IFITM10: variants seen among roughly 807,000 people sequenced by gnomAD.
IFITM10 encodes interferon induced transmembrane protein 10.
A neutral mutation model predicts 19.0 loss-of-function variants in IFITM10; 17 were observed. The observed-to-expected ratio is 0.90, with a 90% CI of 0.61 to 1.34. The LOEUF (loss-of-function observed/expected upper bound fraction) is 1.34. Among genes scored for constraint, IFITM10 ranks in the 40% most tolerant of loss-of-function variants. IFITM10 has a pLI of 0.00. For synonymous variants in IFITM10, 148 were observed against 147.2 expected (o/e 1.01, Z -0.04); for missense variants, 306 against 319.8 (o/e 0.96, Z 0.33).
intron 2 of IFITM10, among the ~76,000 whole-genome samples, chr11:1,737,125 A>T (rs1204017181): frequency 6.6e-6 from 1 of 152,208 alleles, no homozygotes; most frequent in East Asian, 1.9e-4. Flanking sequence ...TCACCCACTT[A>T]TTGAGGTCTT....
chr11:1,750,318 T>G, intron 1 of IFITM10, 41 bp downstream of exon 1: 2 of 1,549,438 alleles, frequency 1.3e-6, no homozygotes, highest in South Asian at 2.4e-5. Context: ...AGTCCCCCAC[T>G]TCACCACGCA....
At position 1,735,295 on chromosome 11, in the gene IFITM10, G is replaced by A. The variant is rs527968724; in HGVS notation, c.672C>T (p.Pro224=). 1.5e-4 allele frequency: 233 copies of A among 1,551,610 alleles called. No individual in the cohort carries two copies. Among genetic ancestry groups the A allele is most frequent in the Non-Finnish European group, 2.0e-4 (228 of 1,146,988 alleles). Residue 224 remains proline (P), a synonymous_variant, in exon 3 of 3, where the codon CCC becomes CCT. Coordinates refer to ENST00000340134, the MANE Select transcript of IFITM10 (RefSeq NM_001170820.4). ...CTGGCGGGCCTTAGTAGTCGGTGAG[G>A]GGGTACCGCAGGAAGATGAAGACGA... The part of the protein sequence containing the change: ...IILVFIFLRY[P]LTDY
rs1565015335 is a variant in IFITM10, at chr11:1,747,703, G to A, written c.501C>T (p.Cys167=). 7 of 1,551,678 alleles carry A rather than the reference G, an allele frequency of 4.5e-6. No homozygotes were observed. The highest frequency in any genetic ancestry group is 4.1e-5 in the African/African-American group (3 of 73,062). Residue 167 remains cysteine (C), a synonymous_variant, in exon 2 of 3, where the codon TGC becomes TGT. Transcript: ENST00000340134. ...SIFNFVYLNF[C]CLGFIALAYS... ...AGGCCAAGGCGATGAAGCCCAGGCA[G>A]CAGAAGTTGAGGTAGACGAAGTTGA...
chr11:1,745,289 C>A (rs1439683662), intron 2 of IFITM10: 1 of 152,400 alleles, frequency 6.6e-6, no homozygotes, highest in Non-Finnish European at 1.5e-5. Context: ...CGGACGGGAG[C>A]CCAGGCAGCC....
intron 2 of IFITM10, among the ~76,000 whole-genome samples, chr11:1,743,462 G>A (rs997378484): frequency 2.0e-5 from 3 of 151,680 alleles, no homozygotes; most frequent in African/African-American, 7.3e-5. Flanking sequence ...GCTGAATGGA[G>A]GATGGATGGA....
At chr11:1,741,532 T>G (rs573309965) in intron 2 of IFITM10, among the ~76,000 whole-genome samples, 1 of 151,850 alleles carries the variant, frequency 6.6e-6, no homozygotes, top group African/African-American at 2.4e-5. Flanking sequence ...TGGAAGGACA[T>G]TCTGATGATG....
chr11:1,744,970 G>C (rs1174295098), intron 2 of IFITM10: 1 of 152,424 alleles, frequency 6.6e-6, no homozygotes, highest in East Asian at 1.9e-4. Context: ...CAGCCAGCCA[G>C]TTCCGTCCTC....
intron 2 of IFITM10, among the ~76,000 whole-genome samples, chr11:1,736,718 G>C (rs1267422043): frequency 6.6e-6 from 1 of 151,344 alleles, no homozygotes; most frequent in East Asian, 1.9e-4. Context: ...GGATGGAGTG[G>C]AGTGGGTGGA....
chr11:1,736,874 GAGGGA>G (rs1388922862), intron 2 of IFITM10, among the ~76,000 whole-genome samples: 1 of 151,982 alleles, frequency 6.6e-6, no homozygotes, highest in African/African-American at 2.4e-5. Context: ...AAAAGTTGGA[GAGGGA>G]AGGGAAGGGA....
intron 2 of IFITM10, among the ~76,000 whole-genome samples, chr11:1,742,051 A>T (rs1845574928): frequency 6.6e-6 from 1 of 152,182 alleles, no homozygotes; most frequent in African/African-American, 2.4e-5. Context: ...TAAACCAACT[A>T]ATCTATGATA....
At chr11:1,736,243 A>G (rs1851085544) in intron 2 of IFITM10, among the ~76,000 whole-genome samples, 1 of 152,224 alleles carries the variant, frequency 6.6e-6, no homozygotes, top group African/African-American at 2.4e-5. Context: ...GGCTGAAAGA[A>G]GGAAGGTGGG....
intron 1 of IFITM10, among the ~76,000 whole-genome samples, chr11:1,750,015 G>C (rs1845699279): frequency 6.6e-6 from 1 of 152,110 alleles, no homozygotes; most frequent in Non-Finnish European, 1.5e-5. Context: ...GTCCTGTGCT[G>C]AGGTCCTGGC....
intron 2 of IFITM10, 68 bp from the exon 3 acceptor site, chr11:1,735,497 C>T (rs1399813479): frequency 1.4e-6 from 2 of 1,433,052 alleles, no homozygotes; most frequent in Non-Finnish European, 1.9e-6. Flanking sequence ...CATCCAGGAG[C>T]CCAGCAGAGC....
intron 2 of IFITM10, among the ~76,000 whole-genome samples, chr11:1,736,155 G>C (rs953088385): frequency 5.3e-5 from 8 of 152,220 alleles, no homozygotes; most frequent in African/African-American, 1.9e-4. Flanking sequence ...CAAGTTCTAG[G>C]ATGAGGAAGG....
intron 1 of IFITM10, 44 bp downstream of exon 1, chr11:1,750,315 C>G (rs1565016622): frequency 7.1e-6 from 11 of 1,550,396 alleles, no homozygotes; most frequent in Non-Finnish European, 9.6e-6. Flanking sequence ...CCAAGTCCCC[C>G]ACTTCACCAC....
intron 2 of IFITM10, among the ~76,000 whole-genome samples, chr11:1,739,480 CAG>C (rs1409601922): frequency 1.3e-5 from 2 of 152,214 alleles, no homozygotes; most frequent in Admixed American, 6.5e-5. Context: ...AGGAATAAAA[CAG>C]AGTCTCTGTC....
chr11:1,741,300 G>T (rs1845568059), intron 2 of IFITM10, among the ~76,000 whole-genome samples: 1 of 151,766 alleles, frequency 6.6e-6, no homozygotes, highest in South Asian at 2.1e-4. Context: ...GAGAAGAGTG[G>T]GCCAAGAAGC....
intron 2 of IFITM10, chr11:1,746,364 AAAT>A (rs1394286048): frequency 2.5e-6 from 1 of 394,674 alleles, no homozygotes; most frequent in African/African-American, 2.1e-5. Context: ...GCACACACAA[AAAT>A]ATATGTACAC....
chr11:1,736,773 G>C (rs1040480641), intron 2 of IFITM10, among the ~76,000 whole-genome samples: 9 of 148,956 alleles, frequency 6.0e-5, no homozygotes, highest in Admixed American at 6.0e-4. Flanking sequence ...GGAGTCAATG[G>C]AATGGATAGA....
Sources: gnomAD v4.1 joint callset for allele counts (sites outside exome capture counted in the v4.1 genomes callset) on GRCh38, gnomAD v4.1.1 for gene constraint, MANE v1.5 for transcripts, NCBI Gene and HGNC (gene_info 2026-07-23, HGNC 2026-07-21) for gene names.